Variants in WDR11 observed in about 807,000 individuals in gnomAD.
The protein encoded by WDR11 is WD repeat-containing protein 11.
In WDR11, 83 loss-of-function variants were observed where a neutral mutation model predicts 151.2. That is an observed-to-expected ratio of 0.55 (90% confidence interval 0.46 to 0.66). The LOEUF (loss-of-function observed/expected upper bound fraction) is 0.66. Among genes scored for constraint, WDR11 ranks in the 30% least tolerant of loss-of-function variants. The probability of loss-of-function intolerance (pLI) is 0.00; values close to 1 mark genes in which losing one functional copy is unlikely to be tolerated. For synonymous variants in WDR11, 484 were observed against 533.1 expected (o/e 0.91, Z 1.27); for missense variants, 1,301 against 1,480.9 (o/e 0.88, Z 1.99).
chr10:120,863,896 A>T (rs1409246134), intron 5 of WDR11, among the ~76,000 whole-genome samples: 1 of 152,180 alleles, frequency 6.6e-6, no homozygotes, highest in East Asian at 1.9e-4. Context: ...TGCCAAAATG[A>T]CTTAAGATTA....
chr10:120,899,439 T>C (rs901083687), intron 19 of WDR11, among the ~76,000 whole-genome samples: 1 of 152,212 alleles, frequency 6.6e-6, no homozygotes, highest in Non-Finnish European at 1.5e-5. Context: ...TTGAATCCTT[T>C]ATTCAAGTAG....
At chr10:120,878,299 C>A (rs1846873929) in intron 11 of WDR11, 54 bp from the exon 12 acceptor site, 3 of 1,367,734 alleles carry the variant, frequency 2.2e-6, no homozygotes, top group Middle Eastern at 1.9e-4. Context: ...AATAAATGAA[C>A]CTTTCAAATA....
intron 12 of WDR11, 22 bp downstream of exon 12, chr10:120,878,481 T>A: frequency 6.3e-7 from 1 of 1,575,308 alleles, no homozygotes; most frequent in Non-Finnish European, 8.7e-7. Flanking sequence ...AAGATCCAAA[T>A]AGGTTTGTCA....
intron 2 of WDR11, among the ~76,000 whole-genome samples, chr10:120,855,162 TG>T (rs1250293160): frequency 6.6e-6 from 1 of 152,172 alleles, no homozygotes; most frequent in African/African-American, 2.4e-5. Context: ...TCTTGCACTT[TG>T]GGGGCATTAT....
chr10:120,899,885 G>A (rs1048346012), intron 19 of WDR11, 144 bp from the exon 20 acceptor site: 12 of 691,020 alleles, frequency 1.7e-5, no homozygotes, highest in African/African-American at 1.2e-4. Context: ...TGTTTCCTAA[G>A]CGGTGACTAC....
At chr10:120,856,575 C>CA (rs71019798) in intron 2 of WDR11, among the ~76,000 whole-genome samples, 1,561 of 101,858 alleles carry the variant, frequency 0.015, 35 homozygotes, top group African/African-American at 0.034. Flanking sequence ...ACTCTGTCTC[C>CA]AAAAAAAAAA....
Position 120,894,394 on chromosome 10 carries a change from G to A in WDR11, c.2515+3507G>A, listed in dbSNP as rs1847532305. ...CACAGTCATTTTCGGTAATCTTGGG[G>A]CATTCAGAAATGTCTCACAATGACT... On this transcript the variant is annotated intron_variant, in intron 19 of 28. Transcript: ENST00000263461. Among the ~76,000 whole-genome samples the A allele has an allele frequency of 2.0e-5, 3 of 152,272 alleles. No individual in the cohort carries two copies. In the South Asian group the frequency reaches 6.2e-4, roughly 32 times the overall value.
intron 19 of WDR11, among the ~76,000 whole-genome samples, chr10:120,898,798 ACTGTTGAGT>A (rs1847704355): frequency 1.2e-5 from 1 of 84,856 alleles, no homozygotes; most frequent in African/African-American, 7.4e-5. Flanking sequence ...GCCATACGGA[ACTGTTGAGT>A]CAATTAAACC....
At chr10:120,906,747 CAT>C in intron 27 of WDR11, 27 bp from the exon 28 acceptor site, 1 of 1,613,796 alleles carries the variant, frequency 6.2e-7, no homozygotes, top group Non-Finnish European at 8.5e-7. Context: ...AATCACAAAG[CAT>C]AACTCTTGTT....
chr10:120,855,297 T>C (rs989897647), intron 2 of WDR11, among the ~76,000 whole-genome samples: 5 of 152,188 alleles, frequency 3.3e-5, no homozygotes, highest in African/African-American at 1.2e-4. Context: ...AGGGATGATT[T>C]ATGATTAAGG....
intron 10 of WDR11, among the ~76,000 whole-genome samples, chr10:120,872,009 A>T (rs190638092): frequency 6.6e-6 from 1 of 152,324 alleles, no homozygotes; most frequent in Admixed American, 6.5e-5. Flanking sequence ...TTTCTCCAAA[A>T]CTTCTGAAAA....
In WDR11 at chr10:120,892,588, G is replaced by A. The variant is rs536436384; in HGVS notation, c.2515+1701G>A. 5.9e-5 allele frequency among the ~76,000 whole-genome samples: 9 copies of A among 152,232 alleles called. No individual in the cohort carries two copies. In the East Asian group the frequency reaches 9.6e-4, roughly 16 times the overall value. Reference sequence around the variant, plus strand: ...TTCTGAGGAATTAGAAGTATATTTGGGGCTTACTGACATGGGATAAAAATA... The same window carrying A: ...TTCTGAGGAATTAGAAGTATATTTGAGGCTTACTGACATGGGATAAAAATA... On this transcript the variant is annotated intron_variant, in intron 19 of 28. Coordinates refer to ENST00000263461, the MANE Select transcript of WDR11 (RefSeq NM_018117.12).
chr10:120,857,210 G>A (rs1355150261), intron 2 of WDR11, among the ~76,000 whole-genome samples: 1 of 152,162 alleles, frequency 6.6e-6, no homozygotes, highest in Non-Finnish European at 1.5e-5. Context: ...TGTGAAAAAT[G>A]TGGTACTAAA....
At chr10:120,894,461 C>T (rs1333007480) in intron 19 of WDR11, among the ~76,000 whole-genome samples, 4 of 152,112 alleles carry the variant, frequency 2.6e-5, no homozygotes, top group Admixed American at 6.5e-5. Context: ...CAACCTGGAA[C>T]GATCTGGCGC....
At position 120,894,516 on chromosome 10, in the gene WDR11, T is replaced by G. The variant is rs561050602; in HGVS notation, c.2515+3629T>G. ...CCAAACGCCAGTAGTGTTCCTTAGC[T>G]CTCTTTTTCACCGTTCATTGAATCA... On this transcript the variant is annotated intron_variant, in intron 19 of 28. Coordinates refer to ENST00000263461, the MANE Select transcript of WDR11 (RefSeq NM_018117.12). 3.3e-5 allele frequency among the ~76,000 whole-genome samples: 5 copies of G among 152,288 alleles called. 1 individual carries two copies. The South Asian group carries it at 1.0e-3, about 32-fold the overall frequency.
intron 3 of WDR11, among the ~76,000 whole-genome samples, chr10:120,859,116 C>T (rs1826504804): frequency 1.3e-5 from 2 of 152,150 alleles, no homozygotes; most frequent in Non-Finnish European, 2.9e-5. Flanking sequence ...AAATTGGCCA[C>T]TGCTGTTAGG....
At chr10:120,884,730 T>G (rs549189788) in intron 14 of WDR11, among the ~76,000 whole-genome samples, 19 of 152,186 alleles carry the variant, frequency 1.2e-4, no homozygotes, top group African/African-American at 3.9e-4. Context: ...TAAATTTAAC[T>G]AGAAACTCCT....
Position 120,903,187 on chromosome 10 carries a change from A to ACTGGATATATG in WDR11, c.2889_2899dup (p.Tyr967TrpfsTer19). ...CTCCTCGAGACAAACTGAGCAACCCACTGGATATATGCTATGACGTGCTCT... is the reference window on the plus strand; with the variant it reads ...CTCCTCGAGACAAACTGAGCAACCCACTGGATATATGCTGGATATATGCTATGACGTGCTCT... On this transcript the variant is annotated frameshift_variant, in exon 23 of 29. Coordinates refer to ENST00000263461, the MANE Select transcript of WDR11 (RefSeq NM_018117.12). LOFTEE classifies it high-confidence loss of function. 1 of 1,614,212 alleles carries ACTGGATATATG rather than the reference A, an allele frequency of 6.2e-7. No individual in the cohort carries two copies. The highest frequency in any genetic ancestry group is 8.5e-7 in the Non-Finnish European group (1 of 1,180,034).
intron 4 of WDR11, among the ~76,000 whole-genome samples, chr10:120,861,909 A>G (rs1437439428): frequency 6.6e-6 from 1 of 152,146 alleles, no homozygotes; most frequent in Non-Finnish European, 1.5e-5. Context: ...ACTGTTTTCT[A>G]AATATTAAGG....
Sources: gnomAD v4.1 joint callset for allele counts (sites outside exome capture counted in the v4.1 genomes callset) on GRCh38, gnomAD v4.1.1 for gene constraint, MANE v1.5 for transcripts, NCBI Gene and HGNC (gene_info 2026-07-23, HGNC 2026-07-21) for gene names.